The following CACNB2 variants were observed in gnomAD, a reference collection of about 807,000 sequenced individuals.
The protein encoded by CACNB2 is voltage-dependent L-type calcium channel subunit beta-2.
A neutral mutation model predicts 73.3 loss-of-function variants in CACNB2; 42 were observed. The observed-to-expected ratio is 0.57, with a 90% CI of 0.45 to 0.74. The LOEUF (loss-of-function observed/expected upper bound fraction) is 0.74. CACNB2 is among the 30% of genes least tolerant of loss of function. The probability of loss-of-function intolerance (pLI) is 0.00; values close to 1 mark genes in which losing one functional copy is unlikely to be tolerated. For synonymous variants in CACNB2, 348 were observed against 310.3 expected (o/e 1.12, Z -1.28); for missense variants, 940 against 853.0 (o/e 1.10, Z -1.27).
intron 3 of CACNB2, among the ~76,000 whole-genome samples, chr10:18,467,719 G>A (rs2047971421): frequency 6.6e-6 from 1 of 152,126 alleles, no homozygotes; most frequent in African/African-American, 2.4e-5. Context: ...ACTCAAATGG[G>A]TCCTCCCTTG....
chr10:18,328,088 T>C (rs1251542529), intron 2 of CACNB2, among the ~76,000 whole-genome samples: 4 of 152,212 alleles, frequency 2.6e-5, no homozygotes, highest in Non-Finnish European at 5.9e-5. Flanking sequence ...TGCAGTGCTC[T>C]AAGAATCTTA....
intron 2 of CACNB2, among the ~76,000 whole-genome samples, chr10:18,211,101 T>C (rs1271999657): frequency 6.6e-6 from 1 of 152,194 alleles, no homozygotes; most frequent in Non-Finnish European, 1.5e-5. Context: ...GCTATTATTT[T>C]TGCTGTTGAT....
chr10:18,358,834 A>T lies in CACNB2; in HGVS notation c.214-43090A>T, dbSNP rs139051838. ...AAATAAATAACTTGGTTATTTATAG[A>T]TTTCTTGTGTCTGTCAATACAGCAT... On this transcript the variant is annotated intron_variant, in intron 2 of 13. Transcript: ENST00000324631. 1.2e-3 allele frequency among the ~76,000 whole-genome samples: 185 copies of T among 152,262 alleles called. 1 individual carries two copies. The highest frequency in any genetic ancestry group is 4.2e-3 in the African/African-American group (174 of 41,546).
intron 2 of CACNB2, among the ~76,000 whole-genome samples, chr10:18,309,338 C>T (rs1390282823): frequency 1.3e-5 from 2 of 152,154 alleles, no homozygotes; most frequent in Non-Finnish European, 1.5e-5. Flanking sequence ...TACACTGAAG[C>T]CGGAGCTTGA....
chr10:18,438,752 C>T (rs1784048243), intron 3 of CACNB2, among the ~76,000 whole-genome samples: 1 of 152,260 alleles, frequency 6.6e-6, no homozygotes, highest in African/African-American at 2.4e-5. Flanking sequence ...CAGTTCTGTT[C>T]TCCCTGGGCC....
chr10:18,472,195 C>CCTTTAATA (rs2048219304), intron 3 of CACNB2, among the ~76,000 whole-genome samples: 1 of 148,266 alleles, frequency 6.7e-6, no homozygotes, highest in Non-Finnish European at 1.5e-5. Flanking sequence ...AGTCTCAATT[C>CCTTTAATA]CTTTAATATC....
intron 2 of CACNB2, among the ~76,000 whole-genome samples, chr10:18,247,529 A>T (rs2036915184): frequency 6.6e-6 from 1 of 152,138 alleles, no homozygotes; most frequent in Non-Finnish European, 1.5e-5. Flanking sequence ...AAATATCCCA[A>T]ATGATTATAT....
At chr10:18,195,532 C>T (rs570841674) in intron 2 of CACNB2, among the ~76,000 whole-genome samples, 16 of 152,338 alleles carry the variant, frequency 1.1e-4, no homozygotes, top group East Asian at 9.7e-4. Flanking sequence ...GTAAATGTCT[C>T]ATAAATGCAT....
intron 1 of CACNB2, among the ~76,000 whole-genome samples, chr10:18,144,195 A>G (rs571373089): frequency 2.0e-4 from 30 of 152,264 alleles, no homozygotes; most frequent in African/African-American, 7.0e-4. Flanking sequence ...TTCCTGCCTC[A>G]GCCTCCTCAG....
chr10:18,395,750 T>C (rs949859659), intron 2 of CACNB2, among the ~76,000 whole-genome samples: 1 of 152,236 alleles, frequency 6.6e-6, no homozygotes, highest in African/African-American at 2.4e-5. Context: ...GATGTATTGC[T>C]ATCACCTCTG....
intron 1 of CACNB2, among the ~76,000 whole-genome samples, chr10:18,147,368 G>A (rs1457240112): frequency 4.6e-5 from 7 of 152,020 alleles, no homozygotes; most frequent in Non-Finnish European, 7.4e-5. Context: ...ACAACTAAAG[G>A]AATATAAATA....
intron 2 of CACNB2, chr10:18,260,752 A>G: frequency 5.0e-6 from 5 of 1,000,656 alleles, no homozygotes; most frequent in Non-Finnish European, 4.8e-6. Flanking sequence ...ATAGGCGAGC[A>G]GCCGCGGGAG....
Position 18,499,269 on chromosome 10 carries a change from C to T in CACNB2, c.456+792C>T, listed in dbSNP as rs915428784. Among the ~76,000 whole-genome samples, 13 of 152,166 alleles carry T rather than the reference C, an allele frequency of 8.5e-5. 1 individual carries two copies. Among genetic ancestry groups the T allele is most frequent in the South Asian group, 2.1e-4 (1 of 4,818 alleles). On this transcript the variant is annotated intron_variant, in intron 4 of 13. Coordinates refer to ENST00000324631, the MANE Select transcript of CACNB2 (RefSeq NM_201596.3). The stretch of plus-strand genomic sequence containing the variant: ...TATGTCATAGGAAGTATGTGTAAAT[C>T]GAAACTCTTCACTGCACTAAAGGCT...
chr10:18,218,967 C>T (rs992043200), intron 2 of CACNB2, among the ~76,000 whole-genome samples: 22 of 152,148 alleles, frequency 1.4e-4, no homozygotes, highest in African/African-American at 3.4e-4. Flanking sequence ...AGTTTAAGAC[C>T]GGCCTGGGCA....
In CACNB2 at chr10:18,498,391, A is replaced by G. The variant is rs1193444285; in HGVS notation, c.370A>G (p.Ser124Gly). Residue 124 changes from serine to glycine, a missense_variant, in exon 4 of 14, where the codon AGC becomes GGC. Transcript: ENST00000324631. ...PVAFAVRTNV[S>G]YSAAHEDDVP... ...TGCATTTGCGGTTCGGACAAATGTC[A>G]GCTACAGTGCGGCCCATGAAGATGA... The G allele has an allele frequency of 1.9e-6, 3 of 1,614,030 alleles. No homozygotes were observed. In the Admixed American group the frequency reaches 5.0e-5, roughly 27 times the overall value.
chr10:18,445,719 G>C lies in CACNB2; in HGVS notation c.333+43676G>C, dbSNP rs576069497. Among the ~76,000 whole-genome samples the C allele has an allele frequency of 2.8e-4, 43 of 152,148 alleles. 1 individual carries two copies. Among genetic ancestry groups the C allele is most frequent in the Non-Finnish European group, 6.0e-4 (41 of 68,028 alleles). ...AGAGAAGGGATAATTTATGACCGGGGCACCAGGAAGCCCTGTAGAAGTGGT... is the reference window on the plus strand; with the variant it reads ...AGAGAAGGGATAATTTATGACCGGGCCACCAGGAAGCCCTGTAGAAGTGGT... On this transcript the variant is annotated intron_variant, in intron 3 of 13. Transcript: ENST00000324631.
intron 9 of CACNB2, among the ~76,000 whole-genome samples, chr10:18,525,235 C>T (rs1292789757): frequency 2.6e-5 from 4 of 151,836 alleles, no homozygotes. Flanking sequence ...CTTGGGGATT[C>T]CTTTCACCTT....
At chr10:18,148,247 A>G (rs530926661) in intron 1 of CACNB2, among the ~76,000 whole-genome samples, 23 of 152,348 alleles carry the variant, frequency 1.5e-4, no homozygotes, top group African/African-American at 5.5e-4. Flanking sequence ...GCAAATGAAT[A>G]CTTTAAATAA....
chr10:18,186,555 A>AAACTT (rs1465581232), intron 2 of CACNB2, among the ~76,000 whole-genome samples: 11 of 152,176 alleles, frequency 7.2e-5, no homozygotes, highest in African/African-American at 2.7e-4. Context: ...AGGCCTCAGG[A>AAACTT]AACTTACAGT....
Sources: gnomAD v4.1 joint callset for allele counts (sites outside exome capture counted in the v4.1 genomes callset) on GRCh38, gnomAD v4.1.1 for gene constraint, MANE v1.5 for transcripts, NCBI Gene and HGNC (gene_info 2026-07-23, HGNC 2026-07-21) for gene names.